Variants in FNDC3B observed in about 807,000 individuals in gnomAD.
The protein encoded by FNDC3B is fibronectin type III domain-containing protein 3B.
A neutral mutation model predicts 151.5 loss-of-function variants in FNDC3B; 12 were observed. That is an observed-to-expected ratio of 0.08 (90% CI 0.05 to 0.13). The LOEUF is 0.13. Among genes scored for constraint, FNDC3B ranks in the 10% least tolerant of loss-of-function variants. FNDC3B has a pLI of 1.00. For missense variants in FNDC3B, 1,214 were observed against 1,505.3 expected (o/e 0.81, Z 3.20); for synonymous variants, 528 against 549.0 (o/e 0.96, Z 0.54).
chr3:172,200,108 C>T (rs970764591), intron 3 of FNDC3B, among the ~76,000 whole-genome samples: 2 of 152,158 alleles, frequency 1.3e-5, no homozygotes, highest in African/African-American at 4.8e-5. Flanking sequence ...AGATGGAACC[C>T]ACCCTGGACA....
intron 2 of FNDC3B, among the ~76,000 whole-genome samples, chr3:172,122,947 A>C (rs1297820115): frequency 6.6e-6 from 1 of 152,212 alleles, no homozygotes; most frequent in Non-Finnish European, 1.5e-5. Flanking sequence ...AAAAAAATGC[A>C]AATCAGTTCT....
chr3:172,173,154 G>A (rs1365009006), intron 3 of FNDC3B, among the ~76,000 whole-genome samples: 3 of 152,120 alleles, frequency 2.0e-5, no homozygotes. Flanking sequence ...AAAGCGAAAC[G>A]ATGGCAGAAT....
chr3:172,329,099 T>A, intron 12 of FNDC3B, 23 bp downstream of exon 12: 1 of 1,597,476 alleles, frequency 6.3e-7, no homozygotes, highest in Non-Finnish European at 8.6e-7. Flanking sequence ...CTTGTCCTCT[T>A]GCCCTTCAGC....
intron 3 of FNDC3B, among the ~76,000 whole-genome samples, chr3:172,161,995 G>C (rs182078728): frequency 6.6e-6 from 1 of 151,162 alleles, no homozygotes; most frequent in African/African-American, 2.4e-5. Flanking sequence ...TTTTTGGGGG[G>C]GGACAGAGTC....
chr3:172,051,190 T>A (rs752651457), intron 1 of FNDC3B, among the ~76,000 whole-genome samples: 21 of 151,670 alleles, frequency 1.4e-4, no homozygotes, highest in Non-Finnish European at 2.2e-4. Context: ...TTCAAGCAAT[T>A]CTTCTGCCTC....
At chr3:172,096,505 A>G (rs1187131070) in intron 1 of FNDC3B, among the ~76,000 whole-genome samples, 2 of 152,186 alleles carry the variant, frequency 1.3e-5, no homozygotes, top group Non-Finnish European at 2.9e-5. Flanking sequence ...GTTTATTGCC[A>G]TCTTTCTGCC....
At chr3:172,053,446 T>C (rs1288692814) in intron 1 of FNDC3B, among the ~76,000 whole-genome samples, 1 of 152,178 alleles carries the variant, frequency 6.6e-6, no homozygotes, top group Non-Finnish European at 1.5e-5. Flanking sequence ...GCTGAATGCC[T>C]TCCATGTGCT....
chr3:172,383,684 A>G (rs908132107), intron 25 of FNDC3B, among the ~76,000 whole-genome samples: 6 of 152,210 alleles, frequency 3.9e-5, no homozygotes, highest in African/African-American at 1.4e-4. Flanking sequence ...GGCTCTGTAA[A>G]TCACATAATA....
chr3:172,237,291 C>T (rs376677466), intron 4 of FNDC3B: 5 of 152,406 alleles, frequency 3.3e-5, no homozygotes, highest in African/African-American at 9.6e-5. Flanking sequence ...TACCTATTGC[C>T]TGCAGTTGGT....
At chr3:172,267,702 A>G (rs1346826099) in intron 6 of FNDC3B, among the ~76,000 whole-genome samples, 1 of 152,218 alleles carries the variant, frequency 6.6e-6, no homozygotes. Flanking sequence ...TTTGGAACAT[A>G]TATTTTCTTT....
chr3:172,327,728 A>G (rs1732431684), intron 11 of FNDC3B, among the ~76,000 whole-genome samples: 1 of 152,160 alleles, frequency 6.6e-6, no homozygotes, highest in Non-Finnish European at 1.5e-5. Context: ...TAATGTGCTC[A>G]CCGTAGCAAC....
chr3:172,316,797 C>A (rs935536735), intron 11 of FNDC3B, among the ~76,000 whole-genome samples: 2 of 152,180 alleles, frequency 1.3e-5, no homozygotes, highest in Non-Finnish European at 2.9e-5. Context: ...CTGAATTAAT[C>A]GTCTCAGCTT....
chr3:172,387,390 G>GC (rs1219715254), intron 25 of FNDC3B, among the ~76,000 whole-genome samples: 1 of 152,156 alleles, frequency 6.6e-6, no homozygotes, highest in Admixed American at 6.5e-5. Context: ...GAGCCACCAT[G>GC]CCTGTCCCCT....
At chr3:172,354,511 TA>T (rs1733996912) in intron 22 of FNDC3B, among the ~76,000 whole-genome samples, 1 of 151,350 alleles carries the variant, frequency 6.6e-6, no homozygotes, top group African/African-American at 2.4e-5. Flanking sequence ...AAAATAATAA[TA>T]ATAATAATTC....
At chr3:172,150,160 G>C (rs1461014376) in intron 3 of FNDC3B, among the ~76,000 whole-genome samples, 1 of 152,034 alleles carries the variant, frequency 6.6e-6, no homozygotes, top group African/African-American at 2.4e-5. Context: ...TTGGCTGCAT[G>C]TTTGAATAGC....
intron 1 of FNDC3B, among the ~76,000 whole-genome samples, chr3:172,046,088 G>C (rs1383762187): frequency 6.6e-6 from 1 of 152,020 alleles, no homozygotes; most frequent in Non-Finnish European, 1.5e-5. Context: ...TGAAGATCAG[G>C]GGACAGAAAT....
chr3:172,095,012 T>C (rs1308204554), intron 1 of FNDC3B, among the ~76,000 whole-genome samples: 3 of 151,280 alleles, frequency 2.0e-5, no homozygotes, highest in African/African-American at 7.3e-5. Flanking sequence ...AAAGGAAGAG[T>C]CAGAGGTAAC....
intron 6 of FNDC3B, among the ~76,000 whole-genome samples, chr3:172,273,255 C>T (rs1729287724): frequency 6.6e-6 from 1 of 152,174 alleles, no homozygotes; most frequent in African/African-American, 2.4e-5. Context: ...GACTGGTTCA[C>T]AGTAATTGCA....
At chr3:172,340,826 C>A (rs1733270785) in intron 16 of FNDC3B, among the ~76,000 whole-genome samples, 1 of 152,184 alleles carries the variant, frequency 6.6e-6, no homozygotes. Flanking sequence ...ACCACTCCCT[C>A]CATGCCAGCG....
Sources: gnomAD v4.1 joint callset for allele counts (sites outside exome capture counted in the v4.1 genomes callset) on GRCh38, gnomAD v4.1.1 for gene constraint, MANE v1.5 for transcripts, NCBI Gene and HGNC (gene_info 2026-07-23, HGNC 2026-07-21) for gene names.